Variants in GRK3 observed in about 807,000 individuals in gnomAD.
GRK3 encodes the protein G protein-coupled receptor kinase 3, also known as adrenergic, beta, receptor kinase 2.
GRK3 carries 54 observed loss-of-function variants against 95.7 expected under a neutral mutation model. The observed-to-expected ratio is 0.56, with a 90% CI of 0.45 to 0.71. The LOEUF is 0.71. Among genes scored for constraint, GRK3 ranks in the 30% least tolerant of loss-of-function variants. GRK3 has a pLI of 0.00. For synonymous variants in GRK3, 281 were observed against 290.8 expected (o/e 0.97, Z 0.34); for missense variants, 649 against 851.2 (o/e 0.76, Z 2.96).
intron 15 of GRK3, among the ~76,000 whole-genome samples, chr22:25,704,897 C>A (rs887470930): frequency 3.3e-5 from 5 of 152,160 alleles, no homozygotes; most frequent in African/African-American, 7.2e-5. Flanking sequence ...CACTATTCTC[C>A]TGCCCCAAAA....
chr22:25,702,618 T>A (rs951044224), intron 13 of GRK3, among the ~76,000 whole-genome samples: 9 of 152,244 alleles, frequency 5.9e-5, no homozygotes, highest in African/African-American at 2.2e-4. Context: ...AGCCAGCTTC[T>A]CCAAAGTTTT....
chr22:25,589,385 G>A (rs900023358), intron 1 of GRK3, among the ~76,000 whole-genome samples: 22 of 152,034 alleles, frequency 1.4e-4, no homozygotes, highest in Non-Finnish European at 2.8e-4. Context: ...AACCACTTTC[G>A]TAGTAGAAAA....
chr22:25,645,432 C>G (rs1412620318), intron 3 of GRK3, among the ~76,000 whole-genome samples: 3 of 152,262 alleles, frequency 2.0e-5, no homozygotes, highest in Admixed American at 2.0e-4. Context: ...GTTTCTGGAG[C>G]TAGAGTTTAA....
At chr22:25,719,673 A>T (rs1173608422) in intron 19 of GRK3, among the ~76,000 whole-genome samples, 2 of 117,070 alleles carry the variant, frequency 1.7e-5, no homozygotes, top group Non-Finnish European at 3.3e-5. Flanking sequence ...CCCTGGTGGA[A>T]GGCATCTTTT....
chr22:25,669,144 A>G (rs982526328), intron 6 of GRK3, among the ~76,000 whole-genome samples: 21 of 152,176 alleles, frequency 1.4e-4, no homozygotes, highest in Admixed American at 1.2e-3. Context: ...CAGGGACTCC[A>G]TCAATATGGT....
intron 6 of GRK3, among the ~76,000 whole-genome samples, chr22:25,670,395 G>A (rs1010573715): frequency 1.3e-5 from 2 of 152,058 alleles, no homozygotes; most frequent in Admixed American, 6.5e-5. Context: ...TAGCCACTTG[G>A]GGGGCTGAGG....
At chr22:25,693,626 C>T (rs1019210496) in intron 12 of GRK3, among the ~76,000 whole-genome samples, 31 of 152,118 alleles carry the variant, frequency 2.0e-4, no homozygotes, top group African/African-American at 5.8e-4. Context: ...GATGGACCAA[C>T]GCCCATTTTC....
chr22:25,649,687 T>C (rs529616116), intron 3 of GRK3, among the ~76,000 whole-genome samples: 1 of 152,358 alleles, frequency 6.6e-6, no homozygotes, highest in Admixed American at 6.5e-5. Flanking sequence ...TTTTAAACTT[T>C]CTTATATTTA....
intron 4 of GRK3, 59 bp downstream of exon 4, chr22:25,661,736 C>A: frequency 9.1e-7 from 1 of 1,094,322 alleles, no homozygotes; most frequent in Non-Finnish European, 1.3e-6. Context: ...CCATGTTCAG[C>A]GTTTCCAGAA....
At chr22:25,654,351 A>G (rs1313042565) in intron 3 of GRK3, among the ~76,000 whole-genome samples, 1 of 152,188 alleles carries the variant, frequency 6.6e-6, no homozygotes, top group Non-Finnish European at 1.5e-5. Flanking sequence ...TCATCATTGT[A>G]AAAATTTGAA....
intron 2 of GRK3, among the ~76,000 whole-genome samples, chr22:25,630,930 A>G (rs1419776428): frequency 1.3e-5 from 2 of 152,238 alleles, no homozygotes; most frequent in Non-Finnish European, 2.9e-5. Flanking sequence ...CTCCTCCTGT[A>G]AAGTTTTAAG....
chr22:25,599,531 G>T (rs570925287), intron 1 of GRK3, among the ~76,000 whole-genome samples: 3 of 150,796 alleles, frequency 2.0e-5, no homozygotes, highest in Non-Finnish European at 4.4e-5. Context: ...GGCGGAGCTT[G>T]CAGTGAGCCG....
At chr22:25,578,478 C>T (rs1056584627) in intron 1 of GRK3, among the ~76,000 whole-genome samples, 6 of 152,154 alleles carry the variant, frequency 3.9e-5, no homozygotes, top group Non-Finnish European at 8.8e-5. Context: ...TCCCCAGAAC[C>T]TATGAACATG....
chr22:25,632,867 A>C (rs1487632802), intron 2 of GRK3, among the ~76,000 whole-genome samples: 1 of 152,096 alleles, frequency 6.6e-6, no homozygotes, highest in East Asian at 1.9e-4. Context: ...CCTTTTCTCC[A>C]ACAGCATACT....
At chr22:25,710,101 A>T in intron 16 of GRK3, 137 bp downstream of exon 16, 1 of 691,432 alleles carries the variant, frequency 1.4e-6, no homozygotes, top group Non-Finnish European at 2.6e-6. Flanking sequence ...CCCACCACCC[A>T]CCTCCCCCAG....
intron 1 of GRK3, among the ~76,000 whole-genome samples, chr22:25,566,030 A>AT (rs987794646): frequency 1.3e-5 from 2 of 152,230 alleles, no homozygotes; most frequent in South Asian, 2.1e-4. Context: ...TACTAGTAAA[A>AT]TTTTTTCTAG....
chr22:25,691,570 C>T (rs914294285), intron 12 of GRK3, among the ~76,000 whole-genome samples: 1 of 152,242 alleles, frequency 6.6e-6, no homozygotes, highest in African/African-American at 2.4e-5. Flanking sequence ...AATTATTAGG[C>T]CAGAACCTGT....
chr22:25,661,827 T>G (rs2146401380), intron 4 of GRK3, 150 bp downstream of exon 4: 1 of 497,548 alleles, frequency 2.0e-6, no homozygotes, highest in South Asian at 4.2e-5. Context: ...CTTTGTTGTT[T>G]CCTGGTAATA....
chr22:25,570,700 A>C (rs1931665840), intron 1 of GRK3, among the ~76,000 whole-genome samples: 1 of 152,170 alleles, frequency 6.6e-6, no homozygotes, highest in Non-Finnish European at 1.5e-5. Flanking sequence ...TTTGCATGCA[A>C]ATGGGACTGG....
Sources: gnomAD v4.1 joint callset for allele counts (sites outside exome capture counted in the v4.1 genomes callset) on GRCh38, gnomAD v4.1.1 for gene constraint, MANE v1.5 for transcripts, NCBI Gene and HGNC (gene_info 2026-07-23, HGNC 2026-07-21) for gene names.